FOXP1: variants seen among roughly 807,000 people sequenced by gnomAD.
The protein encoded by FOXP1 is forkhead box P1.
FOXP1 carries 15 observed loss-of-function variants against 98.2 expected under a neutral mutation model. That is an observed-to-expected ratio of 0.15 (90% CI 0.10 to 0.24). FOXP1 has a LOEUF of 0.24. FOXP1 is among the 10% of genes least tolerant of loss of function. The pLI, the probability that FOXP1 is intolerant of heterozygous loss-of-function variation, is 1.00. For missense variants in FOXP1, 633 were observed against 848.5 expected (o/e 0.75, Z 3.15); for synonymous variants, 371 against 314.5 (o/e 1.18, Z -1.90).
intron 3 of FOXP1, among the ~76,000 whole-genome samples, chr3:71,492,540 C>G (rs988702294): frequency 6.6e-6 from 1 of 152,090 alleles, no homozygotes; most frequent in Admixed American, 6.6e-5. Flanking sequence ...AATACAGTGC[C>G]CTTTCTGCTT....
chr3:71,560,495 C>A (rs2046454108), intron 2 of FOXP1, among the ~76,000 whole-genome samples: 1 of 152,194 alleles, frequency 6.6e-6, no homozygotes, highest in African/African-American at 2.4e-5. Context: ...AACTGTTTGG[C>A]AGTTCCTCTA....
chr3:71,084,271 C>A (rs1350199630), intron 7 of FOXP1, among the ~76,000 whole-genome samples: 1 of 152,134 alleles, frequency 6.6e-6, no homozygotes, highest in Non-Finnish European at 1.5e-5. Flanking sequence ...ATAAAGAAAT[C>A]CCCTCAAAGT....
intron 13 of FOXP1, among the ~76,000 whole-genome samples, chr3:70,988,568 C>T (rs972217034): frequency 6.6e-6 from 1 of 152,246 alleles, no homozygotes; most frequent in Non-Finnish European, 1.5e-5. Context: ...CAGGAGCAGG[C>T]TCCAAGGGAT....
intron 2 of FOXP1, among the ~76,000 whole-genome samples, chr3:71,576,243 T>C (rs1049849758): frequency 2.0e-5 from 3 of 152,188 alleles, no homozygotes; most frequent in Non-Finnish European, 4.4e-5. Context: ...TTTGAGGAAA[T>C]ACACTCATCA....
chr3:71,236,640 CA>C (rs1459919684), intron 5 of FOXP1, among the ~76,000 whole-genome samples: 1 of 152,138 alleles, frequency 6.6e-6, no homozygotes, highest in Non-Finnish European at 1.5e-5. Context: ...GAGGACAAGG[CA>C]GGAGGACGGC....
chr3:71,430,456 T>C (rs1327986486), intron 3 of FOXP1, among the ~76,000 whole-genome samples: 1 of 151,868 alleles, frequency 6.6e-6, no homozygotes, highest in African/African-American at 2.4e-5. Flanking sequence ...ATTTGAATCT[T>C]GGGTTTTGAT....
At chr3:70,966,301 A>G (rs2034760246) in intron 19 of FOXP1, 1 of 529,982 alleles carries the variant, frequency 1.9e-6, no homozygotes. Flanking sequence ...GGAAGGACTC[A>G]ATTTGGTCCT....
chr3:71,149,087 T>C (rs760816273), intron 6 of FOXP1, among the ~76,000 whole-genome samples: 1 of 152,174 alleles, frequency 6.6e-6, no homozygotes, highest in Non-Finnish European at 1.5e-5. Flanking sequence ...CCAGGTTCTG[T>C]GTCAGGCGCT....
chr3:71,064,386 A>C (rs1576533916), intron 7 of FOXP1, among the ~76,000 whole-genome samples: 1 of 152,296 alleles, frequency 6.6e-6, no homozygotes, highest in East Asian at 1.9e-4. Flanking sequence ...CCCCGAACGG[A>C]GTGATGGCGA....
chr3:71,336,701 C>G (rs1469938986), intron 4 of FOXP1, among the ~76,000 whole-genome samples: 4 of 152,330 alleles, frequency 2.6e-5, no homozygotes, highest in Non-Finnish European at 2.9e-5. Context: ...TGTTGCATCT[C>G]CCAGTGAATT....
At chr3:71,377,205 T>C (rs1386065433) in intron 3 of FOXP1, among the ~76,000 whole-genome samples, 1 of 152,148 alleles carries the variant, frequency 6.6e-6, no homozygotes, top group African/African-American at 2.4e-5. Flanking sequence ...CCTCTTTACA[T>C]AAGGGAAAAT....
chr3:71,263,693 T>C (rs184811340), intron 5 of FOXP1, among the ~76,000 whole-genome samples: 1 of 152,232 alleles, frequency 6.6e-6, no homozygotes, highest in East Asian at 1.9e-4. Context: ...GAAAAATTAC[T>C]TAATAATAAT....
intron 6 of FOXP1, among the ~76,000 whole-genome samples, chr3:71,147,421 C>T (rs143219590): frequency 6.6e-6 from 1 of 152,190 alleles, no homozygotes; most frequent in African/African-American, 2.4e-5. Flanking sequence ...ATCCCCTTCC[C>T]TCTCAGGGCT....
intron 6 of FOXP1, among the ~76,000 whole-genome samples, chr3:71,126,859 A>AC (rs1388827059): frequency 4.9e-4 from 69 of 140,334 alleles, no homozygotes; most frequent in Non-Finnish European, 8.2e-4. Flanking sequence ...CAAAAAGAAA[A>AC]AAAAAAACAA....
At chr3:71,498,434 C>T (rs2091563117) in intron 2 of FOXP1, among the ~76,000 whole-genome samples, 2 of 152,122 alleles carry the variant, frequency 1.3e-5, no homozygotes, top group Non-Finnish European at 2.9e-5. Context: ...ACAGCATTTG[C>T]ATCTATTTTT....
At chr3:71,058,124 C>A (rs1197051085) in intron 7 of FOXP1, among the ~76,000 whole-genome samples, 2 of 152,082 alleles carry the variant, frequency 1.3e-5, no homozygotes, top group Non-Finnish European at 2.9e-5. Context: ...AGAAACAATA[C>A]TTATTTCTAA....
At chr3:70,987,859 G>C (rs1352469149) in intron 14 of FOXP1, 135 bp downstream of exon 14, 8 of 746,808 alleles carry the variant, frequency 1.1e-5, no homozygotes, top group Non-Finnish European at 1.9e-5. Context: ...AGAAACAGTC[G>C]CATGAATCTA....
chr3:70,958,121 CTT>C lies in FOXP1; in HGVS notation c.*1124_*1125del, dbSNP rs199626546. On this transcript the variant is annotated 3_prime_UTR_variant, in exon 21 of 21. Coordinates refer to ENST00000649528, the MANE Select transcript of FOXP1 (RefSeq NM_001349338.3). Reference sequence around the variant, plus strand: ...ATATTGTCAGTCTAATTAATATGAGCTTTTTTTTTTTTTTCAGTGCTGCCTAT... The same window carrying C: ...ATATTGTCAGTCTAATTAATATGAGCTTTTTTTTTTTTCAGTGCTGCCTAT... The C allele has an allele frequency of 9.0e-3, 2,372 of 263,660 alleles. No individual in the cohort carries two copies. Among genetic ancestry groups the C allele is most frequent in the South Asian group, 0.016 (264 of 17,004 alleles). 16.3% of individuals were successfully genotyped at this position (263,660 alleles called of 1,614,324 possible).
intron 3 of FOXP1, among the ~76,000 whole-genome samples, chr3:71,382,369 C>T (rs1359798004): frequency 5.3e-5 from 8 of 152,152 alleles, no homozygotes; most frequent in Non-Finnish European, 7.3e-5. Flanking sequence ...TACTTCCAAA[C>T]GGGACCAACT....
Sources: allele counts gnomAD v4.1 joint callset (sites outside exome capture counted in the v4.1 genomes callset), GRCh38; gene constraint gnomAD v4.1.1; transcripts MANE v1.5; gene names NCBI Gene and HGNC (gene_info 2026-07-23, HGNC 2026-07-21).